TSPAN11: variants seen among roughly 807,000 people sequenced by gnomAD.
TSPAN11 encodes tetraspanin-11.
In TSPAN11, 29 loss-of-function variants were observed where a neutral mutation model predicts 32.9. The observed-to-expected ratio is 0.88, with a 90% CI of 0.66 to 1.20. The LOEUF is 1.20. Ranked by LOEUF, TSPAN11 falls within the 50% of genes most tolerant of loss-of-function variation. The pLI is 0.00. For synonymous variants in TSPAN11, 140 were observed against 141.3 expected, an observed-to-expected ratio of 0.99 and a Z score of 0.07; for missense variants, 283 against 329.1, an observed-to-expected ratio of 0.86 and a Z score of 1.08.
intron 3 of TSPAN11, among the ~76,000 whole-genome samples, chr12:30,972,956 C>T (rs1412391188): frequency 2.6e-5 from 4 of 152,042 alleles, no homozygotes; most frequent in Non-Finnish European, 5.9e-5. Flanking sequence ...TCTCCATCTT[C>T]ACCTACTCAT....
intron 3 of TSPAN11, among the ~76,000 whole-genome samples, chr12:30,969,553 C>T (rs1022773104): frequency 6.6e-6 from 1 of 152,178 alleles, no homozygotes; most frequent in Non-Finnish European, 1.5e-5. Flanking sequence ...GAGCTGACCG[C>T]TCAAGAGACT....
chr12:30,927,664 G>C (rs932077094), intron 1 of TSPAN11, among the ~76,000 whole-genome samples: 1 of 152,142 alleles, frequency 6.6e-6, no homozygotes, highest in Non-Finnish European at 1.5e-5. Context: ...GTGTGTGGGG[G>C]AGCGTGAAGA....
chr12:30,977,729 T>C (rs1202612971), intron 3 of TSPAN11, among the ~76,000 whole-genome samples: 1 of 151,866 alleles, frequency 6.6e-6, no homozygotes, highest in Non-Finnish European at 1.5e-5. Context: ...CTCCTGACTG[T>C]GCAAGCCAGG....
intron 1 of TSPAN11, among the ~76,000 whole-genome samples, chr12:30,931,214 T>C (rs1042003323): frequency 6.6e-6 from 1 of 152,194 alleles, no homozygotes; most frequent in Non-Finnish European, 1.5e-5. Flanking sequence ...TGAGAATGTG[T>C]TTCTCTATCT....
intron 2 of TSPAN11, among the ~76,000 whole-genome samples, chr12:30,962,405 T>G (rs998856228): frequency 6.6e-6 from 1 of 152,218 alleles, no homozygotes; most frequent in South Asian, 2.1e-4. Flanking sequence ...CTAAAACTCA[T>G]GGTGTAATCT....
chr12:30,949,598 CT>C (rs1220266235), intron 1 of TSPAN11, among the ~76,000 whole-genome samples: 27 of 152,316 alleles, frequency 1.8e-4, no homozygotes, highest in African/African-American at 6.0e-4. Flanking sequence ...TTACCTCCCC[CT>C]GGGTCCCTCC....
chr12:30,961,789 C>G (rs1938618132), intron 2 of TSPAN11, among the ~76,000 whole-genome samples: 1 of 152,030 alleles, frequency 6.6e-6, no homozygotes, highest in Non-Finnish European at 1.5e-5. Context: ...ATGTTTAGGT[C>G]ACACCGCTAG....
rs1216814063 is a variant in TSPAN11 at position 30,975,574 on chromosome 12, A to AG, written c.277-2983dup. Among the ~76,000 whole-genome samples the AG allele has an allele frequency of 1.3e-5, 2 of 152,124 alleles. No homozygotes were observed. The highest frequency in any genetic ancestry group is 4.8e-5 in the African/African-American group (2 of 41,428). On this transcript the variant is annotated intron_variant, in intron 3 of 7. Transcript: ENST00000546076. The surrounding 1 kb of genome is among the most constrained non-coding windows in gnomAD (Gnocchi z 4.5). Reference sequence around the variant, plus strand: ...TTGATGCCTCTGAACCAGCCTGTGCAGGGGTAGCATGTACTAATTTAGCCA... The same window carrying AG: ...TTGATGCCTCTGAACCAGCCTGTGCAGGGGGTAGCATGTACTAATTTAGCCA...
intron 1 of TSPAN11, among the ~76,000 whole-genome samples, chr12:30,928,754 G>A (rs1937853722): frequency 6.6e-6 from 1 of 152,144 alleles, no homozygotes; most frequent in Non-Finnish European, 1.5e-5. Flanking sequence ...TTTCAACTGT[G>A]TTTTGCTTCC....
intron 1 of TSPAN11, among the ~76,000 whole-genome samples, chr12:30,949,001 A>G (rs1938324153): frequency 6.6e-6 from 1 of 152,202 alleles, no homozygotes; most frequent in Admixed American, 6.5e-5. Flanking sequence ...GGTTTCACAA[A>G]TCTCTAGGGC....
At chr12:30,930,294 A>C (rs549191447) in intron 1 of TSPAN11, among the ~76,000 whole-genome samples, 1 of 152,110 alleles carries the variant, frequency 6.6e-6, no homozygotes, top group Non-Finnish European at 1.5e-5. Flanking sequence ...CCAGCCCCCG[A>C]CCTCTGAGCA....
Position 30,994,500 on chromosome 12 carries a change from G to A in TSPAN11, c.*2585G>A, listed in dbSNP as rs35070. ...TGCACACTCCATGCTGCCCTTCCCT[G>A]AGCTCGCAGGGGCAGACACCAAGAG... On this transcript the variant is annotated 3_prime_UTR_variant, in exon 8 of 8. Transcript: ENST00000546076. 130,301 of 152,270 alleles carry A rather than the reference G, an allele frequency of 0.86. 56,045 individuals carry two copies. The highest frequency in any genetic ancestry group is 0.9 in the Admixed American group (13,751 of 15,296). 9.4% of individuals were successfully genotyped at this position (152,270 alleles called of 1,614,324 possible).
the TSPAN11 span, among the ~76,000 whole-genome samples, chr12:31,002,581 G>A: frequency 6.6e-6 from 1 of 152,110 alleles, no homozygotes; most frequent in African/African-American, 2.4e-5. The surrounding 1 kb of genome is among the most constrained non-coding windows in gnomAD (Gnocchi z 4.8). Flanking sequence ...TTGGAGCAGG[G>A]ACCCATCCTG....
At chr12:30,997,237 T>C (rs1056742232), downstream of TSPAN11, 1 of 152,226 alleles carries the variant, frequency 6.6e-6, no homozygotes, top group Admixed American at 6.5e-5. Context: ...AGTCCAGAGC[T>C]AAAAGGAAGT....
intron 2 of TSPAN11, among the ~76,000 whole-genome samples, chr12:30,959,651 G>C (rs905026933): frequency 2.6e-5 from 4 of 151,876 alleles, no homozygotes; most frequent in Non-Finnish European, 5.9e-5. Flanking sequence ...GTGGTGGCGC[G>C]TGCCTGTAAT....
chr12:31,012,252 G>A, the TSPAN11 span, among the ~76,000 whole-genome samples: 417 of 152,310 alleles, frequency 2.7e-3, no homozygotes, highest in Middle Eastern at 0.01. Context: ...CTTGTAGCAG[G>A]GAACCCCCAG....
At chr12:30,936,589 A>G (rs984826954) in intron 1 of TSPAN11, among the ~76,000 whole-genome samples, 1 of 152,220 alleles carries the variant, frequency 6.6e-6, no homozygotes, top group African/African-American at 2.4e-5. Context: ...GGAGAGCTGC[A>G]GAAGGGGATG....
intron 7 of TSPAN11, among the ~76,000 whole-genome samples, chr12:30,985,362 T>C (rs1157808353): frequency 6.6e-6 from 1 of 152,122 alleles, no homozygotes; most frequent in African/African-American, 2.4e-5. Flanking sequence ...ATCATTTTTA[T>C]GATTTCTGCA....
At chr12:30,949,891 C>CCA (rs1938347387) in intron 1 of TSPAN11, among the ~76,000 whole-genome samples, 1 of 152,156 alleles carries the variant, frequency 6.6e-6, no homozygotes, top group African/African-American at 2.4e-5. Context: ...TCCCTGGCTT[C>CCA]CAGGACCCTG....
Sources: allele counts gnomAD v4.1 joint callset (sites outside exome capture counted in the v4.1 genomes callset), GRCh38; gene constraint gnomAD v4.1.1; non-coding constraint Gnocchi (gnomAD v3.1); transcripts MANE v1.5; gene names NCBI Gene and HGNC (gene_info 2026-07-23, HGNC 2026-07-21).